The following ZRANB3 variants were observed in gnomAD, a reference collection of about 807,000 sequenced individuals.
ZRANB3 encodes the protein zinc finger RANBP2-type containing 3.
ZRANB3 carries 125 observed loss-of-function variants against 133.8 expected under a neutral mutation model. The ratio of observed to expected loss-of-function variants is 0.93; its 90% confidence interval spans 0.81 to 1.08. ZRANB3 has a LOEUF of 1.08. ZRANB3 is among the 50% of genes least tolerant of loss of function. The pLI is 0.00. For synonymous variants in ZRANB3, 387 were observed against 432.7 expected, an observed-to-expected ratio of 0.89 and a Z score of 1.31; for missense variants, 1,229 against 1,275.5, an observed-to-expected ratio of 0.96 and a Z score of 0.56.
At chr2:135,382,213 C>T (rs982711316) in intron 3 of ZRANB3, among the ~76,000 whole-genome samples, 3 of 152,002 alleles carry the variant, frequency 2.0e-5, no homozygotes, top group South Asian at 2.1e-4. Flanking sequence ...CTTCATTAGC[C>T]GATTCGATCA....
At chr2:135,368,343 A>C (rs2104895919) in intron 3 of ZRANB3, among the ~76,000 whole-genome samples, 1 of 152,176 alleles carries the variant, frequency 6.6e-6, no homozygotes, top group South Asian at 2.1e-4. Flanking sequence ...ACAATAAACA[A>C]TAAATAATGA....
chr2:135,416,719 C>G (rs988073879), intron 2 of ZRANB3, among the ~76,000 whole-genome samples: 10 of 152,006 alleles, frequency 6.6e-5, no homozygotes, highest in Non-Finnish European at 1.3e-4. Context: ...TACTACAAGG[C>G]TACAGTAACC....
At chr2:135,330,997 G>T (rs1243008264) in intron 6 of ZRANB3, among the ~76,000 whole-genome samples, 1 of 152,108 alleles carries the variant, frequency 6.6e-6, no homozygotes, top group South Asian at 2.1e-4. Context: ...CAAAAAACCA[G>T]CTCCTGGATT....
intron 5 of ZRANB3, among the ~76,000 whole-genome samples, chr2:135,348,601 T>G (rs1685053619): frequency 6.6e-6 from 1 of 152,174 alleles, no homozygotes; most frequent in Admixed American, 6.5e-5. Flanking sequence ...TTGTATACTC[T>G]CTTTTATTTT....
At chr2:135,358,960 T>C (rs917220698) in intron 3 of ZRANB3, among the ~76,000 whole-genome samples, 6 of 151,874 alleles carry the variant, frequency 4.0e-5, no homozygotes, top group Admixed American at 6.6e-5. Context: ...TAAGAGACTA[T>C]GCCTGTCTCT....
chr2:135,202,739 T>G, intron 20 of ZRANB3, 93 bp downstream of exon 20: 1 of 1,423,934 alleles, frequency 7.0e-7, no homozygotes, highest in Admixed American at 2.3e-5. Flanking sequence ...AGACCAGAGA[T>G]AAATTCATCC....
chr2:135,422,739 T>C lies in ZRANB3; in HGVS notation c.162-31919A>G, dbSNP rs532288921. Among the ~76,000 whole-genome samples, 90 of 152,080 alleles carry C rather than the reference T, an allele frequency of 5.9e-4. 9 individuals are homozygous for C. The Middle Eastern group carries it at 0.11, about 190-fold the overall frequency. On this transcript the variant is annotated intron_variant, in intron 2 of 20. Transcript: ENST00000264159. ...AGAGGGTGTGAAGATGTGAAGAAAA[T>C]AGAATGACTGGTTAAAAGTTTATAA... is the stretch of plus-strand genomic sequence containing the variant.
intron 8 of ZRANB3, among the ~76,000 whole-genome samples, chr2:135,294,394 T>G (rs1387553796): frequency 6.6e-6 from 1 of 152,238 alleles, no homozygotes; most frequent in Non-Finnish European, 1.5e-5. Context: ...GAGGTGTTTA[T>G]AGTATTCTCT....
At chr2:135,252,687 C>T (rs149429237) in intron 12 of ZRANB3, among the ~76,000 whole-genome samples, 7 of 152,306 alleles carry the variant, frequency 4.6e-5, no homozygotes, top group African/African-American at 1.7e-4. Flanking sequence ...AAGCCAGCTC[C>T]TCTTCTACCA....
At chr2:135,234,510 C>T (rs1353080414) in intron 12 of ZRANB3, among the ~76,000 whole-genome samples, 1 of 151,928 alleles carries the variant, frequency 6.6e-6, no homozygotes, top group African/African-American at 2.4e-5. Context: ...AGCACCACAC[C>T]TATTCCAAAA....
intron 8 of ZRANB3, among the ~76,000 whole-genome samples, chr2:135,284,741 G>GATT (rs1469683430): frequency 1.3e-5 from 2 of 152,166 alleles, no homozygotes; most frequent in Non-Finnish European, 2.9e-5. Flanking sequence ...AAAGTGCTGG[G>GATT]ATTACAGGCG....
At chr2:135,279,419 A>C (rs1680993158) in intron 8 of ZRANB3, among the ~76,000 whole-genome samples, 1 of 152,202 alleles carries the variant, frequency 6.6e-6, no homozygotes, top group African/African-American at 2.4e-5. Flanking sequence ...CTGTCAAAAT[A>C]AGGAGCTATA....
chr2:135,488,334 A>C lies in ZRANB3; in HGVS notation c.161+15995T>G, dbSNP rs187788063. On this transcript the variant is annotated intron_variant, in intron 2 of 20. Coordinates refer to ENST00000264159, the MANE Select transcript of ZRANB3 (RefSeq NM_032143.4). ...TGAGAATTACTAAAATATGACACAGAGACACAAACTTAACACATACTGTTG... is the reference window on the plus strand; with the variant it reads ...TGAGAATTACTAAAATATGACACAGCGACACAAACTTAACACATACTGTTG... 7.2e-5 allele frequency among the ~76,000 whole-genome samples: 11 copies of C among 152,326 alleles called. No homozygotes were observed. The East Asian group carries it at 2.1e-3, about 29-fold the overall frequency.
intron 2 of ZRANB3, among the ~76,000 whole-genome samples, chr2:135,442,059 G>T (rs1689804589): frequency 1.3e-5 from 2 of 152,084 alleles, no homozygotes; most frequent in Non-Finnish European, 2.9e-5. Flanking sequence ...ATGGATTAAA[G>T]ACTTAAATAT....
intron 3 of ZRANB3, among the ~76,000 whole-genome samples, chr2:135,374,043 C>T (rs1171430857): frequency 6.6e-6 from 1 of 151,910 alleles, no homozygotes; most frequent in Non-Finnish European, 1.5e-5. Context: ...GTAAAGATTA[C>T]AACAAATAGA....
chr2:135,322,881 G>A (rs903054257), intron 6 of ZRANB3, among the ~76,000 whole-genome samples: 6 of 151,968 alleles, frequency 3.9e-5, no homozygotes, highest in African/African-American at 1.5e-4. Flanking sequence ...GCTATGAGTG[G>A]TGGCGGGCAC....
chr2:135,517,483 A>T (rs1408329256), intron 1 of ZRANB3, among the ~76,000 whole-genome samples: 1 of 152,028 alleles, frequency 6.6e-6, no homozygotes, highest in South Asian at 2.1e-4. Flanking sequence ...GTTGATACTG[A>T]TGCTACTCCT....
chr2:135,283,023 G>GTT, intron 8 of ZRANB3, among the ~76,000 whole-genome samples: 1 of 152,318 alleles, frequency 6.6e-6, no homozygotes, highest in African/African-American at 2.4e-5. Context: ...AGCGACACAT[G>GTT]TTTATAATCC....
chr2:135,276,915 A>C (rs1558881014), intron 8 of ZRANB3, among the ~76,000 whole-genome samples: 2 of 152,266 alleles, frequency 1.3e-5, no homozygotes. Context: ...AATAATGTTT[A>C]AGTAGTTGAT....
Sources: gnomAD v4.1 joint callset for allele counts (sites outside exome capture counted in the v4.1 genomes callset) on GRCh38, gnomAD v4.1.1 for gene constraint, MANE v1.5 for transcripts, NCBI Gene and HGNC (gene_info 2026-07-23, HGNC 2026-07-21) for gene names.